MASP1: variants seen among roughly 807,000 people sequenced by gnomAD.
MASP1 encodes the protein mannan-binding lectin serine protease 1.
In MASP1, 59 loss-of-function variants were observed where a neutral mutation model predicts 77.1. That is an observed-to-expected ratio of 0.77 (90% CI 0.62 to 0.95). The LOEUF (loss-of-function observed/expected upper bound fraction) is 0.95, where lower values mean the gene tolerates loss of function less well. Ranked by LOEUF, MASP1 falls within the 40% of genes least tolerant of loss-of-function variation. The pLI is 0.00. For synonymous variants in MASP1, 362 were observed against 354.5 expected (o/e 1.02, Z -0.24); for missense variants, 885 against 912.9 (o/e 0.97, Z 0.39).
chr3:187,228,235 C>G (rs1054084917), intron 11 of MASP1, among the ~76,000 whole-genome samples: 1 of 147,768 alleles, frequency 6.8e-6, no homozygotes, highest in African/African-American at 2.5e-5. Context: ...TGCAGTGAGC[C>G]GAGATTGCAC....
chr3:187,282,419 C>T (rs1397976096), intron 2 of MASP1, among the ~76,000 whole-genome samples: 4 of 151,166 alleles, frequency 2.6e-5, no homozygotes, highest in Non-Finnish European at 5.9e-5. Context: ...ATCACTTGAA[C>T]CCGGGAGGTG....
At chr3:187,222,047 C>T (rs1240834940) in intron 14 of MASP1, among the ~76,000 whole-genome samples, 1 of 152,302 alleles carries the variant, frequency 6.6e-6, no homozygotes, top group Non-Finnish European at 1.5e-5. Context: ...TCAGATCCCT[C>T]TTGGGTCATG....
chr3:187,276,809 A>T (rs1407994906), intron 2 of MASP1: 1 of 152,210 alleles, frequency 6.6e-6, no homozygotes, highest in African/African-American at 2.4e-5. Flanking sequence ...ATTGAAATTC[A>T]TGAGAAATGT....
chr3:187,220,392 A>G (rs959691451), intron 15 of MASP1: 7 of 740,236 alleles, frequency 9.5e-6, no homozygotes, highest in African/African-American at 1.8e-5. Flanking sequence ...CCCAAACCTC[A>G]GCTCTGGGCA....
rs1327576027 is a variant in MASP1 at position 187,234,923 on chromosome 3, G to A, written c.*761C>T. The A allele has an allele frequency of 7.8e-7, 1 of 1,287,214 alleles. No individual in the cohort carries two copies. The highest frequency in any genetic ancestry group is 1.2e-5 in the South Asian group (1 of 80,934). The allele number at this position is 1,287,214 out of a possible 1,614,324, so 79.7% of individuals were successfully genotyped here. A position where few individuals can be genotyped will look rare whatever the true frequency, so the allele number is the denominator to read the frequency against. ...AGCTGGTGTTCCAGGGTGGCATATGGGCCCAAATGTGTTCTGAGTTGACAA... is the reference window on the plus strand; with the variant it reads ...AGCTGGTGTTCCAGGGTGGCATATGAGCCCAAATGTGTTCTGAGTTGACAA... On this transcript the variant is annotated 3_prime_UTR_variant, in exon 11 of 11. Coordinates refer to ENST00000296280, the MANE Select transcript of MASP1 (RefSeq NM_139125.4).
chr3:187,251,805 T>A, intron 6 of MASP1, 53 bp from the exon 7 acceptor site: 1 of 1,368,570 alleles, frequency 7.3e-7, no homozygotes, highest in Non-Finnish European at 1.0e-6. Flanking sequence ...ATTCTGACCT[T>A]AAAGGGCCAG....
At chr3:187,238,769 A>G (rs934221841) in intron 10 of MASP1, among the ~76,000 whole-genome samples, 4 of 152,190 alleles carry the variant, frequency 2.6e-5, no homozygotes, top group Non-Finnish European at 5.9e-5. Context: ...AAATCACTAC[A>G]CTATTCTGAT....
chr3:187,218,964 AG>A (rs1711886315), exon 16 of MASP1: 2 of 152,270 alleles, frequency 1.3e-5, no homozygotes, highest in South Asian at 4.1e-4. Context: ...ACAAACTACC[AG>A]GGCCCACCTC....
Position 187,235,997 on chromosome 3 carries a change from A to G in MASP1, c.1874T>C (p.Val625Ala). The G allele has an allele frequency of 3.7e-6, 6 of 1,614,238 alleles. No individual in the cohort carries two copies. The highest frequency in any genetic ancestry group is 5.1e-6 in the Non-Finnish European group (6 of 1,180,046). ...GCTAGTTTTGCACTCAGCGTGAGGCACCACGGGTAACTTGACATACTGCAG... is the reference window on the plus strand; with the variant it reads ...GCTAGTTTTGCACTCAGCGTGAGGCGCCACGGGTAACTTGACATACTGCAG... ...DVLQYVKLPV[V>A]PHAECKTSYE... Residue 625 changes from valine to alanine, a missense_variant, in exon 11 of 11, where the codon GTG becomes GCG. Val to Ala is a moderately conservative substitution (Grantham distance 64). Coordinates refer to ENST00000296280, the MANE Select transcript of MASP1 (RefSeq NM_139125.4).
At chr3:187,258,458 A>C (rs2108555716) in intron 4 of MASP1, among the ~76,000 whole-genome samples, 1 of 152,346 alleles carries the variant, frequency 6.6e-6, no homozygotes, top group South Asian at 2.1e-4. Context: ...ATGTGTCAGG[A>C]CCACTCTTAT....
At chr3:187,237,406 C>A (rs923196426) in intron 10 of MASP1, among the ~76,000 whole-genome samples, 1 of 152,244 alleles carries the variant, frequency 6.6e-6, no homozygotes, top group Admixed American at 6.5e-5. Flanking sequence ...GGCCCTCAAA[C>A]CTTTTCTTCT....
chr3:187,278,660 C>A (rs1311941530), intron 2 of MASP1, among the ~76,000 whole-genome samples: 1 of 152,160 alleles, frequency 6.6e-6, no homozygotes, highest in African/African-American at 2.4e-5. Flanking sequence ...GGTAAGTAGC[C>A]AATAAGTTGT....
Position 187,225,269 on chromosome 3 carries a change from G to T in MASP1, c.1741+55C>A, listed in dbSNP as rs1712345404. Reference sequence around the variant, plus strand: ...ACCAGAGCTTCACCAACGTGAAGACGGACTCCTTGTGGAGGCACCAGCTGC... The same window carrying T: ...ACCAGAGCTTCACCAACGTGAAGACTGACTCCTTGTGGAGGCACCAGCTGC... On this transcript the variant is annotated intron_variant, in intron 13 of 15. Coordinates refer to the MASP1 transcript ENST00000337774. The T allele has an allele frequency of 2.5e-5, 40 of 1,589,536 alleles. No individual in the cohort carries two copies. The South Asian group carries it at 4.3e-4, about 17-fold the overall frequency.
At chr3:187,281,793 C>A (rs980147075) in intron 2 of MASP1, among the ~76,000 whole-genome samples, 1 of 152,122 alleles carries the variant, frequency 6.6e-6, no homozygotes, top group African/African-American at 2.4e-5. Context: ...CATCCTCTCA[C>A]TGAACAGAGG....
chr3:187,291,440 G>C (rs185837782), intron 1 of MASP1, 188 bp downstream of exon 1: 2 of 702,788 alleles, frequency 2.8e-6, no homozygotes, highest in East Asian at 2.7e-5. Context: ...ATGTCTCCTG[G>C]AGTCCTGGGG....
rs1249126331 is a variant in MASP1 at position 187,234,492 on chromosome 3, G to C, written c.*1192C>G. ...CAGACAAAGAAAATGATTTTTCAAAGGTTATACAGCCAGTTGGGGGCAGAG... is the reference window on the plus strand; with the variant it reads ...CAGACAAAGAAAATGATTTTTCAAACGTTATACAGCCAGTTGGGGGCAGAG... On this transcript the variant is annotated 3_prime_UTR_variant, in exon 11 of 11. Transcript: ENST00000296280. 4.7e-6 allele frequency: 6 copies of C among 1,286,126 alleles called. No homozygotes were observed. Among genetic ancestry groups the C allele is most frequent in the Non-Finnish European group, 6.1e-6 (6 of 987,674 alleles). The allele number at this position is 1,286,126 out of a possible 1,614,324, so 79.7% of individuals were successfully genotyped here.
At chr3:187,281,437 G>T (rs193007193) in intron 2 of MASP1, among the ~76,000 whole-genome samples, 2 of 152,312 alleles carry the variant, frequency 1.3e-5, no homozygotes, top group South Asian at 2.1e-4. Flanking sequence ...CCTGTGAGGA[G>T]AATTTAGTCA....
Position 187,234,914 on chromosome 3 carries a change from T to A in MASP1, c.*770A>T. The A allele has an allele frequency of 7.8e-7, 1 of 1,287,162 alleles. No individual in the cohort carries two copies. The highest frequency in any genetic ancestry group is 1.0e-6 in the Non-Finnish European group (1 of 988,636). 79.7% of individuals were successfully genotyped at this position (1,287,162 alleles called of 1,614,324 possible). A position where few individuals can be genotyped will look rare whatever the true frequency, so the allele number is the denominator to read the frequency against. ...CATGGTGTCAGCTGGTGTTCCAGGG[T>A]GGCATATGGGCCCAAATGTGTTCTG... On this transcript the variant is annotated 3_prime_UTR_variant, in exon 11 of 11. Coordinates refer to ENST00000296280, the MANE Select transcript of MASP1 (RefSeq NM_139125.4).
At chr3:187,289,062 G>T (rs927561267) in intron 1 of MASP1, among the ~76,000 whole-genome samples, 1 of 152,030 alleles carries the variant, frequency 6.6e-6, no homozygotes, top group Non-Finnish European at 1.5e-5. Context: ...TCTTGTATAC[G>T]AGGCACCGGC....
Sources: gnomAD v4.1 joint callset for allele counts (sites outside exome capture counted in the v4.1 genomes callset) on GRCh38, gnomAD v4.1.1 for gene constraint, MANE v1.5 for transcripts, NCBI Gene and HGNC (gene_info 2026-07-23, HGNC 2026-07-21) for gene names.